MAP2K5: variants seen among roughly 807,000 people sequenced by gnomAD.
The protein encoded by MAP2K5 is dual specificity mitogen-activated protein kinase kinase 5.
MAP2K5 carries 49 observed loss-of-function variants against 83.1 expected under a neutral mutation model. The observed-to-expected ratio is 0.59, with a 90% CI of 0.47 to 0.75. The LOEUF (loss-of-function observed/expected upper bound fraction) is 0.75. Among genes scored for constraint, MAP2K5 ranks in the 30% least tolerant of loss-of-function variants. The pLI, the probability that MAP2K5 is intolerant of heterozygous loss-of-function variation, is 0.00. For synonymous variants in MAP2K5, 202 were observed against 191.8 expected, an observed-to-expected ratio of 1.05 and a Z score of -0.44; for missense variants, 457 against 557.5, an observed-to-expected ratio of 0.82 and a Z score of 1.82.
chr15:67,600,330 T>C (rs897092932), intron 7 of MAP2K5, among the ~76,000 whole-genome samples: 1 of 152,192 alleles, frequency 6.6e-6, no homozygotes, highest in African/African-American at 2.4e-5. Context: ...AGTTTGACTT[T>C]GGTTATGTGC....
In MAP2K5 at chr15:67,587,193, A is replaced by T. The variant is rs573436528; in HGVS notation, c.431+280A>T. 3.6e-4 allele frequency among the ~76,000 whole-genome samples: 55 copies of T among 152,238 alleles called. No individual in the cohort carries two copies. Among genetic ancestry groups the T allele is most frequent in the African/African-American group, 1.3e-3 (53 of 41,540 alleles). ...GGTGAAGGCCCTGAGGTGGAGAAGG[A>T]GCTCAGCATGTTTGTGAGTAGGCCA... On this transcript the variant is annotated intron_variant, in intron 6 of 21. Transcript: ENST00000178640. The surrounding 1 kb of genome is among the most constrained non-coding windows in gnomAD (Gnocchi z 4.8).
chr15:67,739,395 CAT>C (rs1447130514), intron 17 of MAP2K5, among the ~76,000 whole-genome samples: 1 of 133,254 alleles, frequency 7.5e-6, no homozygotes, highest in Non-Finnish European at 1.6e-5. Flanking sequence ...CAGTAAGACA[CAT>C]GTTAATTCAC....
At chr15:67,701,253 GA>G in intron 15 of MAP2K5, among the ~76,000 whole-genome samples, 1 of 152,270 alleles carries the variant, frequency 6.6e-6, no homozygotes, top group East Asian at 1.9e-4. Flanking sequence ...TGACAGACAT[GA>G]ATAGCAATGT....
chr15:67,603,295 G>A (rs2085702940), intron 8 of MAP2K5, among the ~76,000 whole-genome samples: 2 of 152,096 alleles, frequency 1.3e-5, no homozygotes, highest in Admixed American at 1.3e-4. Context: ...CCTTTAATTA[G>A]GGCTACTATG....
In MAP2K5 at chr15:67,782,591, A is replaced by G. The variant is rs1384631840; in HGVS notation, c.1242+9839A>G. ...ATTCACAGGGAGCAGCTAATTGTCT[A>G]TGAAGGGCCCCCGTGTTTAAACGGG... On this transcript the variant is annotated intron_variant, in intron 21 of 21. Transcript: ENST00000178640. The surrounding 1 kb of genome is among the most constrained non-coding windows in gnomAD (Gnocchi z 4.9). Among the ~76,000 whole-genome samples, 1 of 152,178 alleles carries G rather than the reference A, an allele frequency of 6.6e-6. No homozygotes were observed. Among genetic ancestry groups the G allele is most frequent in the Non-Finnish European group, 1.5e-5 (1 of 68,022 alleles).
At position 67,722,293 on chromosome 15, in the gene MAP2K5, C is replaced by A. The variant is rs773239593; in HGVS notation, c.1045-5623C>A. Among the ~76,000 whole-genome samples the A allele has an allele frequency of 1.3e-4, 19 of 151,992 alleles. No homozygotes were observed. The highest frequency in any genetic ancestry group is 2.2e-4 in the Non-Finnish European group (15 of 68,014). On this transcript the variant is annotated intron_variant, in intron 16 of 21. Coordinates refer to ENST00000178640, the MANE Select transcript of MAP2K5 (RefSeq NM_145160.3). This position sits in a 1 kb window ranked among gnomAD's most constrained non-coding sequence, Gnocchi z 4.2. The stretch of plus-strand genomic sequence containing the variant: ...CTTTCAAGGCTTTGTTCTTAAGCCC[C>A]AGACACTTTGGAGTGCAGCTGCAAA...
At chr15:67,721,491 T>G (rs909039973) in intron 16 of MAP2K5, among the ~76,000 whole-genome samples, 2 of 152,234 alleles carry the variant, frequency 1.3e-5, no homozygotes, top group African/African-American at 4.8e-5. Flanking sequence ...ACTTTTCGTA[T>G]AGGCATAATG....
Position 67,746,206 on chromosome 15 carries a change from CAT to C in MAP2K5, c.1075-2022_1075-2021del, listed in dbSNP as rs953326717. Among the ~76,000 whole-genome samples, 1 of 152,154 alleles carries C rather than the reference CAT, an allele frequency of 6.6e-6. No individual in the cohort carries two copies. The highest frequency in any genetic ancestry group is 2.4e-5 in the African/African-American group (1 of 41,436). ...CTCAGTTAATCTGATTCACACAACT[CAT>C]ATGTTTCTGGGGACAGTGTTTCATA... On this transcript the variant is annotated intron_variant, in intron 17 of 21. Transcript: ENST00000178640. This position sits in a 1 kb window ranked among gnomAD's most constrained non-coding sequence, Gnocchi z 4.1.
At chr15:67,642,239 T>C (rs2086727894) in intron 9 of MAP2K5, among the ~76,000 whole-genome samples, 2 of 152,186 alleles carry the variant, frequency 1.3e-5, no homozygotes, top group Non-Finnish European at 2.9e-5. Flanking sequence ...CTAGAAACAG[T>C]TTCTTATAAA....
At chr15:67,592,865 T>A (rs965373199) in intron 6 of MAP2K5, 61 bp from the exon 7 acceptor site, 29 of 1,136,030 alleles carry the variant, frequency 2.6e-5, no homozygotes, top group Middle Eastern at 1.9e-4. Flanking sequence ...CAGTCTGGAA[T>A]TTTCAGTGGT....
At chr15:67,583,405 T>A (rs1206593742) in intron 4 of MAP2K5, among the ~76,000 whole-genome samples, 1 of 152,160 alleles carries the variant, frequency 6.6e-6, no homozygotes, top group African/African-American at 2.4e-5. Context: ...TGCAATAAAT[T>A]GTTAAACATA....
At chr15:67,675,352 A>G (rs1188479955) in intron 13 of MAP2K5, among the ~76,000 whole-genome samples, 1 of 152,234 alleles carries the variant, frequency 6.6e-6, no homozygotes, top group Non-Finnish European at 1.5e-5. Context: ...CAAAGGTTAC[A>G]TAGTGTATGA....
rs2141244688 is a variant in MAP2K5, at chr15:67,724,810, C to G, written c.1045-3106C>G. Among the ~76,000 whole-genome samples the G allele has an allele frequency of 6.6e-6, 1 of 152,316 alleles. No individual in the cohort carries two copies. Among genetic ancestry groups the G allele is most frequent in the African/African-American group, 2.4e-5 (1 of 41,560 alleles). ...TAAAATGACTGCTTTCAGTGCCAGC[C>G]TAATAGTGCACTTGCCAGTTTTCAC... On this transcript the variant is annotated intron_variant, in intron 16 of 21. Transcript: ENST00000178640. The surrounding 1 kb of genome is among the most constrained non-coding windows in gnomAD (Gnocchi z 4.4).
At chr15:67,694,196 T>G (rs540060024) in intron 15 of MAP2K5, among the ~76,000 whole-genome samples, 1 of 152,254 alleles carries the variant, frequency 6.6e-6, no homozygotes, top group South Asian at 2.1e-4. Context: ...AAGTTATTTG[T>G]TTTCATAAAA....
chr15:67,601,808 T>C lies in MAP2K5; in HGVS notation c.545+1059T>C, dbSNP rs569416630. On this transcript the variant is annotated intron_variant, in intron 8 of 21. Coordinates refer to ENST00000178640, the MANE Select transcript of MAP2K5 (RefSeq NM_145160.3). ...TGGTATAGAATTTGATTTCTCAGGCTTAGAAGCTCTTTTGAAGTAATCTGA... is the reference window on the plus strand; with the variant it reads ...TGGTATAGAATTTGATTTCTCAGGCCTAGAAGCTCTTTTGAAGTAATCTGA... Among the ~76,000 whole-genome samples the C allele has an allele frequency of 9.2e-5, 14 of 152,354 alleles. No individual in the cohort carries two copies. The South Asian group carries it at 2.9e-3, about 32-fold the overall frequency.
intron 21 of MAP2K5, among the ~76,000 whole-genome samples, chr15:67,797,663 A>G (rs1386100360): frequency 6.6e-6 from 1 of 151,872 alleles, no homozygotes; most frequent in African/African-American, 2.4e-5. Context: ...TTTTTTTTAA[A>G]TTTGAGAATT....
chr15:67,620,461 CG>C (rs1380083009), intron 8 of MAP2K5, among the ~76,000 whole-genome samples: 1 of 151,388 alleles, frequency 6.6e-6, no homozygotes, highest in African/African-American at 2.4e-5. Flanking sequence ...ATTTATAACA[CG>C]AACATATAAG....
chr15:67,623,065 G>A (rs1400324423), intron 8 of MAP2K5, among the ~76,000 whole-genome samples: 2 of 152,186 alleles, frequency 1.3e-5, no homozygotes, highest in Non-Finnish European at 2.9e-5. Context: ...TCATGCCACT[G>A]CACTCCAGCC....
In MAP2K5 at chr15:67,780,368, T is replaced by C. The variant is rs1828840208; in HGVS notation, c.1242+7616T>C. On this transcript the variant is annotated intron_variant, in intron 21 of 21. Coordinates refer to ENST00000178640, the MANE Select transcript of MAP2K5 (RefSeq NM_145160.3). The surrounding 1 kb of genome is among the most constrained non-coding windows in gnomAD (Gnocchi z 5.0). Reference sequence around the variant, plus strand: ...TAATACCTTTTTTCTTCCACTAGATTGTAAGTTCCTTGAAGGAGGATCATG... The same window carrying C: ...TAATACCTTTTTTCTTCCACTAGATCGTAAGTTCCTTGAAGGAGGATCATG... 6.6e-6 allele frequency among the ~76,000 whole-genome samples: 1 copy of C among 152,250 alleles called. No individual in the cohort carries two copies. Among genetic ancestry groups the C allele is most frequent in the Non-Finnish European group, 1.5e-5 (1 of 68,012 alleles).
Sources: gnomAD v4.1 joint callset for allele counts (sites outside exome capture counted in the v4.1 genomes callset) on GRCh38, gnomAD v4.1.1 for gene constraint, Gnocchi (gnomAD v3.1) non-coding constraint, MANE v1.5 for transcripts, NCBI Gene and HGNC (gene_info 2026-07-23, HGNC 2026-07-21) for gene names.